The following BMP2K variants were observed in gnomAD, a reference collection of about 807,000 sequenced individuals.
BMP2K encodes the protein BMP-2-inducible protein kinase.
In BMP2K, 74 loss-of-function variants were observed where a neutral mutation model predicts 116.0. The observed-to-expected ratio is 0.64, with a 90% CI of 0.53 to 0.77. BMP2K has a LOEUF of 0.77. Ranked by LOEUF, BMP2K falls within the 30% of genes least tolerant of loss-of-function variation. The pLI, the probability that BMP2K is intolerant of heterozygous loss-of-function variation, is 0.00. For missense variants in BMP2K, 1,365 were observed against 1,403.6 expected (o/e 0.97, Z 0.44); for synonymous variants, 486 against 502.5 (o/e 0.97, Z 0.44).
chr4:78,807,013 C>A lies in BMP2K; in HGVS notation c.179-19024C>A, dbSNP rs535823457. On this transcript the variant is annotated intron_variant, in intron 1 of 15. Transcript: ENST00000502613. ...TACAGGCGCCTGCTACCACCCCCAG[C>A]TAATTTTCGTATTTTTTTAGTAGAG... Among the ~76,000 whole-genome samples, 5 of 151,948 alleles carry A rather than the reference C, an allele frequency of 3.3e-5. No homozygotes were observed. In the South Asian group the frequency reaches 6.2e-4, roughly 19 times the overall value.
At chr4:78,792,720 C>T (rs1291738754) in intron 1 of BMP2K, among the ~76,000 whole-genome samples, 1 of 151,956 alleles carries the variant, frequency 6.6e-6, no homozygotes, top group Non-Finnish European at 1.5e-5. Context: ...TTTCCAAGCA[C>T]ATGATCTTAC....
In BMP2K at chr4:78,865,478, G is replaced by A; in HGVS notation, c.1068-79G>A. 3 of 1,339,470 alleles carry A rather than the reference G, an allele frequency of 2.2e-6. No homozygotes were observed. In the East Asian group the frequency reaches 7.4e-5, roughly 33 times the overall value. 83.0% of individuals were successfully genotyped at this position (1,339,470 alleles called of 1,614,324 possible). On this transcript the variant is annotated intron_variant, in intron 9 of 15. Coordinates refer to ENST00000502613, the MANE Select transcript of BMP2K (RefSeq NM_198892.2). Reference sequence around the variant, plus strand: ...CAGTAATAGTTAAAATGTATCTGTTGAGTTGGATGCTTTATAGAATAAATA... The same window carrying A: ...CAGTAATAGTTAAAATGTATCTGTTAAGTTGGATGCTTTATAGAATAAATA...
intron 15 of BMP2K, 51 bp from the exon 16 acceptor site, chr4:78,910,559 G>A: frequency 7.3e-7 from 1 of 1,366,006 alleles, no homozygotes; most frequent in Non-Finnish European, 9.8e-7. Flanking sequence ...TAGTGCAAGA[G>A]GATTCTGAAA....
chr4:78,847,206 C>T lies in BMP2K; in HGVS notation c.687C>T (p.Tyr229=), dbSNP rs1057310807. ...CTGCCAGGTATACAACTCTGTCATA[C>T]AGAGCCCCTGAAATGATCAACCTTT... ...EEIKKYTTLS[Y]RAPEMINLYG... Residue 229 remains tyrosine (Y), a synonymous_variant, in exon 6 of 16, where the codon TAC becomes TAT. Transcript: ENST00000502613. 3 of 1,576,464 alleles carry T rather than the reference C, an allele frequency of 1.9e-6. No homozygotes were observed. Among genetic ancestry groups the T allele is most frequent in the Admixed American group, 1.8e-5 (1 of 56,082 alleles).
At chr4:78,804,434 G>T (rs1404003571) in intron 1 of BMP2K, among the ~76,000 whole-genome samples, 1 of 152,036 alleles carries the variant, frequency 6.6e-6, no homozygotes, top group Admixed American at 6.6e-5. Flanking sequence ...ATTTTAGATT[G>T]TTCTACACTT....
At chr4:78,843,953 T>C (rs1344459526) in intron 4 of BMP2K, among the ~76,000 whole-genome samples, 1 of 151,910 alleles carries the variant, frequency 6.6e-6, no homozygotes, top group Non-Finnish European at 1.5e-5. Context: ...TAGATTTCTT[T>C]CTGAATCTTT....
rs144782625 is a variant in BMP2K, at chr4:78,839,188, G to A, written c.404-3197G>A. On this transcript the variant is annotated intron_variant, in intron 3 of 15. Coordinates refer to ENST00000502613, the MANE Select transcript of BMP2K (RefSeq NM_198892.2). ...TGGTTGGGTGGCACTGCAGATTTTG[G>A]CAGGGCTTTCTCACATGGCAGTGGT... Among the ~76,000 whole-genome samples, 7 of 152,274 alleles carry A rather than the reference G, an allele frequency of 4.6e-5. No individual in the cohort carries two copies. In the East Asian group the frequency reaches 1.4e-3, roughly 29 times the overall value.
intron 1 of BMP2K, among the ~76,000 whole-genome samples, chr4:78,778,821 A>G (rs1183396647): frequency 6.6e-6 from 1 of 152,238 alleles, no homozygotes; most frequent in Admixed American, 6.5e-5. Context: ...TGGGTCATGT[A>G]CTTGTGAAAA....
At chr4:78,839,341 T>C (rs1337587970) in intron 3 of BMP2K, among the ~76,000 whole-genome samples, 1 of 152,214 alleles carries the variant, frequency 6.6e-6, no homozygotes, top group Non-Finnish European at 1.5e-5. Flanking sequence ...TAGAAGCATA[T>C]GAGGCCTCTT....
intron 4 of BMP2K, among the ~76,000 whole-genome samples, chr4:78,844,622 TGG>T (rs1408139906): frequency 2.0e-5 from 3 of 151,588 alleles, no homozygotes; most frequent in Non-Finnish European, 4.4e-5. Context: ...CAAATCAACC[TGG>T]GTTGGAAGAA....
chr4:78,842,342 A>G, intron 3 of BMP2K, 43 bp from the exon 4 acceptor site: 1 of 1,515,670 alleles, frequency 6.6e-7, no homozygotes, highest in Non-Finnish European at 9.0e-7. Flanking sequence ...GATAGACTTT[A>G]TTTATTAAAA....
At chr4:78,804,897 G>A (rs985006139) in intron 1 of BMP2K, among the ~76,000 whole-genome samples, 1 of 151,518 alleles carries the variant, frequency 6.6e-6, no homozygotes, top group African/African-American at 2.4e-5. Context: ...TCTTGATAGT[G>A]TCTTCAAAAA....
chr4:78,863,025 A>G (rs1004903410), intron 9 of BMP2K, among the ~76,000 whole-genome samples: 1 of 152,034 alleles, frequency 6.6e-6, no homozygotes, highest in Non-Finnish European at 1.5e-5. Context: ...GCAGATTTTT[A>G]AAAAAAGCGT....
At chr4:78,846,699 A>G (rs1305642194) in intron 5 of BMP2K, among the ~76,000 whole-genome samples, 5 of 151,726 alleles carry the variant, frequency 3.3e-5, no homozygotes, top group Admixed American at 1.3e-4. Flanking sequence ...TAAAATAATT[A>G]TAAAAACAAA....
chr4:78,805,805 AC>A (rs1560507688), intron 1 of BMP2K, among the ~76,000 whole-genome samples: 1 of 152,006 alleles, frequency 6.6e-6, no homozygotes, highest in African/African-American at 2.4e-5. Flanking sequence ...CCTCGTCTCT[AC>A]TAAAAATACA....
chr4:78,780,118 CT>C (rs2109914351), intron 1 of BMP2K, among the ~76,000 whole-genome samples: 1 of 152,196 alleles, frequency 6.6e-6, no homozygotes, highest in South Asian at 2.1e-4. Flanking sequence ...CATAACAAGC[CT>C]TTGGTGCTAG....
intron 3 of BMP2K, among the ~76,000 whole-genome samples, chr4:78,840,975 C>T (rs1184214107): frequency 6.6e-6 from 1 of 151,982 alleles, no homozygotes; most frequent in Non-Finnish European, 1.5e-5. Flanking sequence ...CTAGAGAAGC[C>T]TGGGTTTAAT....
chr4:78,865,552 T>G lies in BMP2K; in HGVS notation c.1068-5T>G. The G allele has an allele frequency of 6.2e-7, 1 of 1,613,002 alleles. No homozygotes were observed. The highest frequency in any genetic ancestry group is 1.3e-5 in the African/African-American group (1 of 75,016). On this transcript the variant is annotated splice_polypyrimidine_tract_variant and splice_region_variant and intron_variant, in intron 9 of 15. Coordinates refer to ENST00000502613, the MANE Select transcript of BMP2K (RefSeq NM_198892.2). ...TTTAGAATGAAATATATTCTTCTGT[T>G]GTAGAATAACAGATACCATTGGACC...
chr4:78,877,187 T>C (rs909516904), intron 13 of BMP2K, among the ~76,000 whole-genome samples: 3 of 152,158 alleles, frequency 2.0e-5, no homozygotes, highest in Admixed American at 2.0e-4. Context: ...GACTTGACTT[T>C]ATAAACACTG....
Sources: allele counts gnomAD v4.1 joint callset (sites outside exome capture counted in the v4.1 genomes callset), GRCh38; gene constraint gnomAD v4.1.1; transcripts MANE v1.5; gene names NCBI Gene and HGNC (gene_info 2026-07-23, HGNC 2026-07-21).